FOLH1: variants seen among roughly 807,000 people sequenced by gnomAD.
FOLH1 encodes the protein glutamate carboxypeptidase 2.
FOLH1 carries 54 observed loss-of-function variants against 93.9 expected under a neutral mutation model. That is an observed-to-expected ratio of 0.57 (90% CI 0.46 to 0.72). The LOEUF (loss-of-function observed/expected upper bound fraction) is 0.72. Ranked by LOEUF, FOLH1 falls within the 30% of genes least tolerant of loss-of-function variation. The pLI is 0.00. For missense variants in FOLH1, 571 were observed against 892.5 expected, an observed-to-expected ratio of 0.64 and a Z score of 4.59; for synonymous variants, 249 against 303.6, an observed-to-expected ratio of 0.82 and a Z score of 1.87.
chr11:49,157,674 G>A (rs532640030), intron 14 of FOLH1, among the ~76,000 whole-genome samples: 4 of 151,760 alleles, frequency 2.6e-5, no homozygotes, highest in African/African-American at 4.8e-5. Flanking sequence ...CTCATCCCAC[G>A]CATTTCATAT....
chr11:49,169,266 A>G lies in FOLH1; in HGVS notation c.1309-8T>C, dbSNP rs1858890815. The G allele has an allele frequency of 1.2e-6, 2 of 1,611,840 alleles. No homozygotes were observed. Among genetic ancestry groups the G allele is most frequent in the Admixed American group, 1.7e-5 (1 of 59,958 alleles). On this transcript the variant is annotated splice_region_variant and splice_polypyrimidine_tract_variant and intron_variant, in intron 11 of 18. Transcript: ENST00000256999. ...AAGGAGTCTTGAATTCTCCTATAAT[A>G]AAAAGGAAAACTATAAATATAAAGT...
At chr11:49,186,910 A>C in intron 4 of FOLH1, 141 bp from the exon 5 acceptor site, 1 of 759,436 alleles carries the variant, frequency 1.3e-6, no homozygotes, top group Non-Finnish European at 2.0e-6. Context: ...TCCAAAGAAG[A>C]GATTCAAGGG....
intron 2 of FOLH1, among the ~76,000 whole-genome samples, chr11:49,203,998 G>A (rs1408610735): frequency 6.6e-6 from 1 of 152,232 alleles, no homozygotes; most frequent in Non-Finnish European, 1.5e-5. Context: ...TCCTGGGCAT[G>A]CGTGTTAGAG....
intron 12 of FOLH1, among the ~76,000 whole-genome samples, chr11:49,167,680 A>C (rs1858577124): frequency 6.6e-6 from 1 of 152,050 alleles, no homozygotes. Context: ...CTGGATGTCT[A>C]GCGTTTGCCT....
intron 2 of FOLH1, among the ~76,000 whole-genome samples, chr11:49,201,718 A>G (rs1863279267): frequency 6.6e-6 from 1 of 152,208 alleles, no homozygotes; most frequent in Non-Finnish European, 1.5e-5. Context: ...AAAAACAGCC[A>G]ACATATCGCT....
chr11:49,183,986 A>G lies in FOLH1; in HGVS notation c.827-744T>C, dbSNP rs191388750. On this transcript the variant is annotated intron_variant, in intron 6 of 18. Transcript: ENST00000256999. ...TTATTGAACTGAACTCTTGAGATCT[A>G]TGTATTTTATTGCATGTAAACTGTA... Among the ~76,000 whole-genome samples the G allele has an allele frequency of 9.5e-3, 1,443 of 152,302 alleles. 7 individuals carry two copies. The highest frequency in any genetic ancestry group is 0.031 in the Middle Eastern group (9 of 294).
At position 49,164,732 on chromosome 11, in the gene FOLH1, G is replaced by A. The variant is rs774702332; in HGVS notation, c.1413C>T (p.Tyr471=). ...TLRVDCTPLM[Y]SLVHNLTKEL... ...CTTTTGTTAGGTTGTGTACCAAGCT[G>A]TACATCAGCGGTGTACAATCAACTC... The change falls in exon 13 of 19, where the codon TAC becomes TAT. Residue 471 remains tyrosine, a synonymous_variant. Coordinates refer to ENST00000256999, the MANE Select transcript of FOLH1 (RefSeq NM_004476.3). 4.4e-6 allele frequency: 7 copies of A among 1,604,828 alleles called. No individual in the cohort carries two copies. The East Asian group carries it at 1.6e-4, about 36-fold the overall frequency.
intron 17 of FOLH1, among the ~76,000 whole-genome samples, chr11:49,150,068 G>A (rs1284976275): frequency 6.6e-6 from 1 of 152,048 alleles, no homozygotes; most frequent in East Asian, 1.9e-4. Flanking sequence ...CAATTCCTCT[G>A]CCTCAGCTTC....
chr11:49,164,753 A>C lies in FOLH1; in HGVS notation c.1392T>G (p.Val464=). ...AGCTGTACATCAGCGGTGTACAATC[A>C]ACTCTCAGAGTGTAGTTTCCTGAAA... ...SSIEGNYTLR[V]DCTPLMYSLV... Residue 464 remains valine, a synonymous_variant, in exon 13 of 19, where the codon GTT becomes GTG. Transcript: ENST00000256999. The C allele has an allele frequency of 2.5e-6, 4 of 1,602,784 alleles. No individual in the cohort carries two copies. The highest frequency in any genetic ancestry group is 3.4e-6 in the Non-Finnish European group (4 of 1,171,724).
intron 5 of FOLH1, 100 bp from the exon 6 acceptor site, chr11:49,185,955 T>C: frequency 1.5e-6 from 2 of 1,366,506 alleles, no homozygotes; most frequent in Non-Finnish European, 1.9e-6. Context: ...ACCAGAACTT[T>C]ATCTTCAACC....
chr11:49,178,084 G>A (rs1439687018), intron 7 of FOLH1, among the ~76,000 whole-genome samples: 3 of 152,094 alleles, frequency 2.0e-5, no homozygotes, highest in African/African-American at 7.2e-5. Context: ...GCACTATGAC[G>A]CAGCTCAGGC....
At position 49,208,297 on chromosome 11, in the gene FOLH1, A is replaced by G; in HGVS notation, c.113T>C (p.Leu38Pro). 6.4e-7 allele frequency: 1 copy of G among 1,558,648 alleles called. No individual in the cohort carries two copies. The highest frequency in any genetic ancestry group is 8.7e-7 in the Non-Finnish European group (1 of 1,148,700). ...TCCGCGAGGCGCCCCCCTACCGAAG[A>G]GGAAGCCGAGGAGAAAGAAGCCACC... Reference protein sequence around the residue: ...LAGGFFLLGFLFGWFIKSSNE... With the variant: ...LAGGFFLLGFPFGWFIKSSNE... The change falls in exon 1 of 19, where the codon CTC becomes CCC. Residue 38 changes from leucine to proline, a missense_variant. Leu to Pro is a moderately conservative substitution (Grantham distance 98). Around this residue, in one of 2 missense-constraint regions of FOLH1, gnomAD observed 71 missense variants for 69.6 expected, o/e 1.02. Coordinates refer to ENST00000256999, the MANE Select transcript of FOLH1 (RefSeq NM_004476.3).
intron 13 of FOLH1, among the ~76,000 whole-genome samples, chr11:49,161,495 T>C (rs796730860): frequency 1.4e-4 from 21 of 152,346 alleles, no homozygotes; most frequent in African/African-American, 5.1e-4. Context: ...CTTTCCTTCA[T>C]CTATTTATTT....
At chr11:49,158,091 T>C (rs1565140027) in intron 13 of FOLH1, 48 bp from the exon 14 acceptor site, 1 of 1,497,660 alleles carries the variant, frequency 6.7e-7, no homozygotes, top group Non-Finnish European at 9.0e-7. Context: ...ATCAGATATA[T>C]TAAAAACTAG....
chr11:49,207,001 C>A, intron 1 of FOLH1: 1 of 561,538 alleles, frequency 1.8e-6, no homozygotes, highest in African/African-American at 1.9e-5. Flanking sequence ...TATTCTAGTT[C>A]TTAATCGCAT....
chr11:49,205,064 G>T (rs949232963), intron 2 of FOLH1, among the ~76,000 whole-genome samples: 2 of 152,006 alleles, frequency 1.3e-5, no homozygotes, highest in Admixed American at 1.3e-4. Flanking sequence ...TACAAAATTA[G>T]CTGGGTGTGG....
chr11:49,152,568 G>A (rs1174856555), intron 17 of FOLH1, among the ~76,000 whole-genome samples: 2 of 152,048 alleles, frequency 1.3e-5, no homozygotes, highest in African/African-American at 2.4e-5. Flanking sequence ...TTTCTTTGCA[G>A]GTGTATCTTT....
chr11:49,187,114 G>A (rs1185157172), intron 4 of FOLH1, among the ~76,000 whole-genome samples: 1 of 152,134 alleles, frequency 6.6e-6, no homozygotes, highest in Non-Finnish European at 1.5e-5. Context: ...GATACCCTAG[G>A]CTAAGAAGCC....
chr11:49,148,137 G>GA (rs1325719545), intron 18 of FOLH1, among the ~76,000 whole-genome samples: 5 of 151,662 alleles, frequency 3.3e-5, no homozygotes, highest in Middle Eastern at 3.4e-3. Flanking sequence ...ATGTTTGGCA[G>GA]AAAAAAATCC....
Sources: gnomAD v4.1 joint callset for allele counts (sites outside exome capture counted in the v4.1 genomes callset) on GRCh38, gnomAD v4.1.1 for gene constraint, gnomAD v4.1.1 regional missense constraint, MANE v1.5 for transcripts, NCBI Gene and HGNC (gene_info 2026-07-23, HGNC 2026-07-21) for gene names.